The following UBE3D variants were observed in gnomAD, a reference collection of about 807,000 sequenced individuals.
UBE3D encodes the protein ubiquitin protein ligase E3D.
A neutral mutation model predicts 49.6 loss-of-function variants in UBE3D; 48 were observed. The observed-to-expected ratio is 0.97, with a 90% CI of 0.77 to 1.23. The LOEUF is 1.23. Among genes scored for constraint, UBE3D ranks in the 50% most tolerant of loss-of-function variants. UBE3D has a pLI of 0.00. For missense variants in UBE3D, 452 were observed against 468.4 expected (o/e 0.96, Z 0.32); for synonymous variants, 189 against 174.2 (o/e 1.08, Z -0.67).
chr6:83,005,225 A>G (rs1310295135), intron 8 of UBE3D, among the ~76,000 whole-genome samples: 1 of 152,208 alleles, frequency 6.6e-6, no homozygotes, highest in Non-Finnish European at 1.5e-5. Flanking sequence ...AACGAACACG[A>G]AAGGATACTC....
the UBE3D span, among the ~76,000 whole-genome samples, chr6:82,883,657 G>A: frequency 6.6e-6 from 1 of 152,054 alleles, no homozygotes; most frequent in Non-Finnish European, 1.5e-5. Context: ...AAAATCGAAT[G>A]ACCTAAGATA....
chr6:82,931,656 C>T (rs1046233007), intron 9 of UBE3D, among the ~76,000 whole-genome samples: 3 of 152,208 alleles, frequency 2.0e-5, no homozygotes, highest in African/African-American at 7.2e-5. Context: ...CCTGCAGCCC[C>T]TTTGTTTTGG....
At chr6:82,943,646 A>G (rs1316966837) in intron 9 of UBE3D, among the ~76,000 whole-genome samples, 1 of 152,148 alleles carries the variant, frequency 6.6e-6, no homozygotes, top group Non-Finnish European at 1.5e-5. Context: ...AAAACAAAAA[A>G]CAAACAACAA....
At chr6:82,894,141 A>T (rs1463344528) in intron 9 of UBE3D, 2 of 152,282 alleles carry the variant, frequency 1.3e-5, no homozygotes, top group Non-Finnish European at 1.5e-5. Context: ...TGTGAAGCTC[A>T]AATGAGATCA....
intron 8 of UBE3D, among the ~76,000 whole-genome samples, chr6:82,994,138 T>C (rs934180976): frequency 6.6e-6 from 1 of 152,190 alleles, no homozygotes; most frequent in Non-Finnish European, 1.5e-5. Flanking sequence ...TTCCCAAAGA[T>C]GTAAGAAATA....
chr6:83,040,236 T>C (rs1582718991), intron 4 of UBE3D, among the ~76,000 whole-genome samples: 3 of 151,892 alleles, frequency 2.0e-5, no homozygotes, highest in Non-Finnish European at 4.4e-5. Context: ...ATATAAAAAT[T>C]AGCTGGGCGT....
intron 8 of UBE3D, among the ~76,000 whole-genome samples, chr6:82,986,388 T>C (rs546071988): frequency 6.8e-6 from 1 of 148,108 alleles, no homozygotes; most frequent in African/African-American, 2.5e-5. Flanking sequence ...GGAGAATCAC[T>C]TGAAGTCAAG....
chr6:82,985,654 A>C (rs755206553), intron 8 of UBE3D, among the ~76,000 whole-genome samples: 1 of 152,096 alleles, frequency 6.6e-6, no homozygotes, highest in Admixed American at 6.6e-5. Flanking sequence ...CAGCCACTGC[A>C]CCCGGCCATG....
intron 8 of UBE3D, among the ~76,000 whole-genome samples, chr6:82,968,272 T>C: frequency 6.6e-6 from 1 of 152,116 alleles, no homozygotes; most frequent in East Asian, 1.9e-4. Context: ...TCTCATATTG[T>C]ACTGCATTCT....
chr6:82,973,181 T>C (rs1044181853), intron 8 of UBE3D, among the ~76,000 whole-genome samples: 1 of 152,190 alleles, frequency 6.6e-6, no homozygotes, highest in Non-Finnish European at 1.5e-5. Flanking sequence ...TTATTTGGCA[T>C]AGAGAAAAAT....
intron 9 of UBE3D, among the ~76,000 whole-genome samples, chr6:82,931,623 T>C (rs752724380): frequency 1.3e-5 from 2 of 152,228 alleles, no homozygotes; most frequent in Non-Finnish European, 2.9e-5. Flanking sequence ...AAATGCCCTA[T>C]TGGATTTCAG....
At chr6:82,972,069 C>T (rs1208644589) in intron 8 of UBE3D, among the ~76,000 whole-genome samples, 4 of 152,146 alleles carry the variant, frequency 2.6e-5, no homozygotes, top group Non-Finnish European at 5.9e-5. Context: ...GATGATCTAG[C>T]AGAGCTCTCT....
intron 8 of UBE3D, 145 bp downstream of exon 8, chr6:83,018,828 A>C: frequency 2.4e-6 from 2 of 833,104 alleles, no homozygotes; most frequent in South Asian, 3.5e-5. Context: ...CCTATTTTAA[A>C]CATATAATAT....
At chr6:83,063,425 A>G (rs1189623090) in intron 1 of UBE3D, among the ~76,000 whole-genome samples, 1 of 150,640 alleles carries the variant, frequency 6.6e-6, no homozygotes. Context: ...AAAAAAAAAA[A>G]AAAAAAAAAA....
At chr6:83,021,885 A>AT (rs1781122320) in intron 7 of UBE3D, among the ~76,000 whole-genome samples, 1 of 151,998 alleles carries the variant, frequency 6.6e-6, no homozygotes, top group African/African-American at 2.4e-5. Context: ...AAAACAAAAA[A>AT]CAAAAAAACC....
intron 1 of UBE3D, among the ~76,000 whole-genome samples, chr6:83,059,246 G>A (rs1263980703): frequency 1.3e-5 from 2 of 152,032 alleles, no homozygotes; most frequent in Admixed American, 6.6e-5. Context: ...AAAATCAGCT[G>A]GGTATAGTGG....
chr6:82,927,213 CT>C (rs34600480), intron 9 of UBE3D, among the ~76,000 whole-genome samples: 3,597 of 144,126 alleles, frequency 0.025, 86 homozygotes, highest in African/African-American at 0.064. Flanking sequence ...ATCTATTTGT[CT>C]TTTTTTTTTT....
rs182687829 is a variant in UBE3D at position 83,055,757 on chromosome 6, C to A, written c.275-1519G>T. ...CAGTATGATGTTTACTATAGTTGTC[C>A]TTAAAAGGGTGTTCTTAGCATTGAA... On this transcript the variant is annotated intron_variant, in intron 2 of 9. Coordinates refer to ENST00000369747, the MANE Select transcript of UBE3D (RefSeq NM_198920.3). Among the ~76,000 whole-genome samples, 571 of 152,280 alleles carry A rather than the reference C, an allele frequency of 3.7e-3. 3 individuals carry two copies. Among genetic ancestry groups the A allele is most frequent in the Non-Finnish European group, 6.2e-3 (422 of 68,008 alleles).
At chr6:83,052,633 G>A (rs945138401) in intron 3 of UBE3D, among the ~76,000 whole-genome samples, 1 of 152,192 alleles carries the variant, frequency 6.6e-6, no homozygotes, top group Non-Finnish European at 1.5e-5. Context: ...CAGAATGCCA[G>A]TCAATAATGG....
Sources: gnomAD v4.1 joint callset for allele counts (sites outside exome capture counted in the v4.1 genomes callset) on GRCh38, gnomAD v4.1.1 for gene constraint, MANE v1.5 for transcripts, NCBI Gene and HGNC (gene_info 2026-07-23, HGNC 2026-07-21) for gene names.